ADAMTS17: variants seen among roughly 807,000 people sequenced by gnomAD.
ADAMTS17 encodes the protein A disintegrin and metalloproteinase with thrombospondin motifs 17.
In ADAMTS17, 113 loss-of-function variants were observed where a neutral mutation model predicts 141.5. The observed-to-expected ratio is 0.80, with a 90% CI of 0.69 to 0.93. The LOEUF is 0.93. Ranked by LOEUF, ADAMTS17 falls within the 40% of genes least tolerant of loss-of-function variation. ADAMTS17 has a pLI of 0.00. For synonymous variants in ADAMTS17, 768 were observed against 630.6 expected, an observed-to-expected ratio of 1.22 and a Z score of -3.27; for missense variants, 1,659 against 1,517.9, an observed-to-expected ratio of 1.09 and a Z score of -1.54.
chr15:100,102,588 C>T (rs1176954075), intron 14 of ADAMTS17, among the ~76,000 whole-genome samples: 1 of 150,660 alleles, frequency 6.6e-6, no homozygotes, highest in Non-Finnish European at 1.5e-5. Context: ...TGAAGGCCTA[C>T]TGAAGGAGAT....
chr15:99,987,157 C>G (rs542476225), intron 20 of ADAMTS17, among the ~76,000 whole-genome samples: 4 of 152,340 alleles, frequency 2.6e-5, no homozygotes, highest in South Asian at 4.1e-4. Flanking sequence ...TGGCCCATTC[C>G]TCACCTCCTT....
rs111593946 is a variant in ADAMTS17 at position 100,029,615 on chromosome 15, G to A, written c.2591+19242C>T. On this transcript the variant is annotated intron_variant, in intron 18 of 21. Transcript: ENST00000268070. ...CACTTGGTTAGGTCTCTGCTTTGTG[G>A]CTCTCTCCCCTCAGTGGCCTGGGCT... is the stretch of plus-strand genomic sequence containing the variant. 4.7e-4 allele frequency among the ~76,000 whole-genome samples: 72 copies of A among 152,232 alleles called. 1 individual carries two copies. Among genetic ancestry groups the A allele is most frequent in the African/African-American group, 1.5e-3 (64 of 41,562 alleles).
chr15:100,153,068 T>C (rs558970666), intron 9 of ADAMTS17, among the ~76,000 whole-genome samples: 1 of 152,342 alleles, frequency 6.6e-6, no homozygotes, highest in East Asian at 1.9e-4. Flanking sequence ...CTTTCTTTGA[T>C]GAAAATGATT....
chr15:100,201,804 G>A (rs1183946889), intron 7 of ADAMTS17, among the ~76,000 whole-genome samples: 5 of 152,094 alleles, frequency 3.3e-5, no homozygotes, highest in East Asian at 1.9e-4. Flanking sequence ...GTGGTTTCTC[G>A]GTGCCTTCAA....
intron 18 of ADAMTS17, among the ~76,000 whole-genome samples, chr15:100,005,325 G>A (rs1188739692): frequency 6.6e-6 from 1 of 152,170 alleles, no homozygotes; most frequent in Non-Finnish European, 1.5e-5. Context: ...CTGGAGGTCA[G>A]AAGTCTGGCA....
At chr15:100,102,496 AGG>A (rs2036172522) in intron 14 of ADAMTS17, among the ~76,000 whole-genome samples, 1 of 111,076 alleles carries the variant, frequency 9.0e-6, no homozygotes, top group Admixed American at 9.3e-5. Context: ...TCTACATTTG[AGG>A]GCCGACCGAA....
At chr15:99,979,680 G>T (rs116769831) in intron 20 of ADAMTS17, 1 of 152,180 alleles carries the variant, frequency 6.6e-6, no homozygotes, top group East Asian at 1.9e-4. Flanking sequence ...AGCTGGTGAC[G>T]ATGAGACCAA....
intron 15 of ADAMTS17, among the ~76,000 whole-genome samples, chr15:100,092,798 G>A (rs34648304): frequency 0.21 from 32,115 of 152,058 alleles, 4,165 homozygotes; most frequent in East Asian, 0.48. Flanking sequence ...AAAGGGATCC[G>A]AAGCCCACAG....
At chr15:100,167,177 T>C (rs527999385) in intron 8 of ADAMTS17, among the ~76,000 whole-genome samples, 7 of 152,324 alleles carry the variant, frequency 4.6e-5, no homozygotes, top group Non-Finnish European at 8.8e-5. Context: ...GAGAACCTGA[T>C]TGGCTAACTT....
chr15:100,295,923 C>A (rs901635647), intron 3 of ADAMTS17, among the ~76,000 whole-genome samples: 13 of 152,174 alleles, frequency 8.5e-5, no homozygotes, highest in Non-Finnish European at 1.3e-4. Context: ...TGAATATGTA[C>A]TTCCACACTA....
At chr15:100,032,187 A>G (rs1241170395) in intron 18 of ADAMTS17, among the ~76,000 whole-genome samples, 1 of 152,046 alleles carries the variant, frequency 6.6e-6, no homozygotes, top group African/African-American at 2.4e-5. Flanking sequence ...AACTTGCATC[A>G]CTGGTTACTT....
chr15:100,270,627 T>C (rs1165548119), intron 4 of ADAMTS17, among the ~76,000 whole-genome samples: 1 of 151,426 alleles, frequency 6.6e-6, no homozygotes, highest in Non-Finnish European at 1.5e-5. Context: ...TTCTGGATCA[T>C]CTCCTGCATG....
chr15:100,140,802 G>A (rs977432669), intron 10 of ADAMTS17, among the ~76,000 whole-genome samples: 4 of 152,038 alleles, frequency 2.6e-5, no homozygotes, highest in Admixed American at 2.6e-4. Context: ...TGCATTCTCG[G>A]TGTGAGTGTC....
intron 18 of ADAMTS17, among the ~76,000 whole-genome samples, chr15:100,033,383 T>A (rs1337477580): frequency 6.6e-6 from 1 of 152,200 alleles, no homozygotes; most frequent in African/African-American, 2.4e-5. Context: ...AACATTCCAG[T>A]TGGGCTGGCT....
chr15:100,270,364 C>G (rs541680150), intron 4 of ADAMTS17, among the ~76,000 whole-genome samples: 19 of 152,306 alleles, frequency 1.2e-4, no homozygotes, highest in African/African-American at 4.1e-4. Flanking sequence ...GTTCAGCAGC[C>G]TACCTCAGGG....
Position 100,142,879 on chromosome 15 carries a change from A to G in ADAMTS17, c.1474-9564T>C, listed in dbSNP as rs191864477. Among the ~76,000 whole-genome samples the G allele has an allele frequency of 9.2e-5, 14 of 152,364 alleles. No homozygotes were observed. The East Asian group carries it at 1.2e-3, about 13-fold the overall frequency. ...TGATTGGCTGACAGCTTTGTGCTCA[A>G]TAACATTCTTAAACAGCGGCATAAC... On this transcript the variant is annotated intron_variant, in intron 10 of 21. Coordinates refer to ENST00000268070, the MANE Select transcript of ADAMTS17 (RefSeq NM_139057.4).
chr15:100,051,877 G>A lies in ADAMTS17; in HGVS notation c.2296-146C>T, dbSNP rs1018900915. 6.8e-6 allele frequency: 7 copies of A among 1,026,236 alleles called. No homozygotes were observed. In the African/African-American group the frequency reaches 1.1e-4, roughly 16 times the overall value. 63.6% of individuals were successfully genotyped at this position (1,026,236 alleles called of 1,614,324 possible). A position where few individuals can be genotyped will look rare whatever the true frequency, so the allele number is the denominator to read the frequency against. On this transcript the variant is annotated intron_variant, in intron 16 of 21. Coordinates refer to ENST00000268070, the MANE Select transcript of ADAMTS17 (RefSeq NM_139057.4). ...TGGGGCTGAAAACAGGTTCCACTGAGGGTGCTCCTTTATCTCAGCCCTGGA... is the reference window on the plus strand; with the variant it reads ...TGGGGCTGAAAACAGGTTCCACTGAAGGTGCTCCTTTATCTCAGCCCTGGA...
At chr15:100,045,767 C>T (rs946060947) in intron 18 of ADAMTS17, among the ~76,000 whole-genome samples, 5 of 152,182 alleles carry the variant, frequency 3.3e-5, no homozygotes, top group Non-Finnish European at 7.3e-5. Context: ...AGTCTCAATG[C>T]AACTAGGGCC....
intron 7 of ADAMTS17, among the ~76,000 whole-genome samples, chr15:100,246,714 T>A (rs2042997406): frequency 6.7e-6 from 1 of 149,388 alleles, no homozygotes; most frequent in South Asian, 2.2e-4. Flanking sequence ...GAGACTACAC[T>A]TTTTTTTTAT....
Sources: gnomAD v4.1 joint callset for allele counts (sites outside exome capture counted in the v4.1 genomes callset) on GRCh38, gnomAD v4.1.1 for gene constraint, MANE v1.5 for transcripts, NCBI Gene and HGNC (gene_info 2026-07-23, HGNC 2026-07-21) for gene names.